CRIM1: variants seen among roughly 807,000 people sequenced by gnomAD.
CRIM1 encodes cysteine-rich motor neuron 1 protein.
A neutral mutation model predicts 116.4 loss-of-function variants in CRIM1; 32 were observed. The ratio of observed to expected loss-of-function variants is 0.27; its 90% CI spans 0.21 to 0.37. The LOEUF (loss-of-function observed/expected upper bound fraction) is 0.37. Ranked by LOEUF, CRIM1 falls within the 10% of genes least tolerant of loss-of-function variation. The probability of loss-of-function intolerance (pLI) is 1.00; values close to 1 mark genes in which losing one functional copy is unlikely to be tolerated. For synonymous variants in CRIM1, 590 were observed against 509.2 expected, an observed-to-expected ratio of 1.16 and a Z score of -2.13; for missense variants, 1,331 against 1,354.8, an observed-to-expected ratio of 0.98 and a Z score of 0.28.
chr2:36,389,387 G>T (rs1214776686), intron 1 of CRIM1, among the ~76,000 whole-genome samples: 1 of 152,124 alleles, frequency 6.6e-6, no homozygotes, highest in East Asian at 1.9e-4. Context: ...TTTTAGGCTG[G>T]CATGAAAAGA....
At chr2:36,493,444 G>A (rs116383471) in intron 7 of CRIM1, among the ~76,000 whole-genome samples, 1,890 of 152,224 alleles carry the variant, frequency 0.012, 57 homozygotes, top group African/African-American at 0.043. Context: ...GCACAGTGAG[G>A]CAGCAGTCCT....
In CRIM1 at chr2:36,477,082, G is replaced by A; in HGVS notation, c.1174+11G>A. On this transcript the variant is annotated intron_variant, in intron 6 of 16. Coordinates refer to ENST00000280527, the MANE Select transcript of CRIM1 (RefSeq NM_016441.3). ...GCCCAGTGTGTGAAGGTAAGAAAAG[G>A]TGCTAATTACAGATTAACAGGAGCA... is the stretch of plus-strand genomic sequence containing the variant. 6.3e-7 allele frequency: 1 copy of A among 1,597,302 alleles called. No homozygotes were observed. The highest frequency in any genetic ancestry group is 1.8e-5 in the Admixed American group (1 of 56,870).
intron 2 of CRIM1, among the ~76,000 whole-genome samples, chr2:36,413,780 A>G (rs1170399045): frequency 1.3e-5 from 2 of 152,176 alleles, no homozygotes; most frequent in African/African-American, 2.4e-5. Context: ...TGTTTCTTCT[A>G]CAGCTGAAAA....
At chr2:36,532,067 A>T (rs945859757) in intron 13 of CRIM1, 2 of 461,420 alleles carry the variant, frequency 4.3e-6, no homozygotes, top group African/African-American at 4.0e-5. Flanking sequence ...GACGGATAAG[A>T]TAGGGGCCAT....
intron 1 of CRIM1, among the ~76,000 whole-genome samples, chr2:36,384,155 G>T (rs1187960596): frequency 6.6e-6 from 1 of 152,246 alleles, no homozygotes; most frequent in Non-Finnish European, 1.5e-5. Context: ...AGTTGAGGTT[G>T]ATTGAAGACC....
At chr2:36,501,586 A>C (rs1680999049) in intron 8 of CRIM1, among the ~76,000 whole-genome samples, 1 of 152,096 alleles carries the variant, frequency 6.6e-6, no homozygotes. Flanking sequence ...GCCAGGCATG[A>C]TAGCAAGGGC....
At chr2:36,362,603 C>G (rs1669299748) in intron 1 of CRIM1, among the ~76,000 whole-genome samples, 1 of 152,178 alleles carries the variant, frequency 6.6e-6, no homozygotes, top group South Asian at 2.1e-4. Flanking sequence ...TTCACCCACC[C>G]TGCTGCTTGC....
intron 7 of CRIM1, among the ~76,000 whole-genome samples, chr2:36,489,222 T>G (rs1210853733): frequency 1.3e-5 from 2 of 152,178 alleles, no homozygotes; most frequent in African/African-American, 4.8e-5. Flanking sequence ...TTAGTTTGCC[T>G]ATCAGTAGGA....
intron 1 of CRIM1, among the ~76,000 whole-genome samples, chr2:36,357,948 CTAAA>C (rs893834588): frequency 3.3e-4 from 50 of 152,328 alleles, no homozygotes; most frequent in Admixed American, 2.5e-3. Context: ...GTGATTCTCT[CTAAA>C]TACGCACAGA....
At chr2:36,393,023 G>A (rs952772771) in intron 1 of CRIM1, among the ~76,000 whole-genome samples, 1 of 152,164 alleles carries the variant, frequency 6.6e-6, no homozygotes, top group African/African-American at 2.4e-5. Context: ...GGGGCCAGCG[G>A]CCTCATCAAA....
At chr2:36,462,968 A>G (rs2125003627) in intron 4 of CRIM1, among the ~76,000 whole-genome samples, 1 of 152,212 alleles carries the variant, frequency 6.6e-6, no homozygotes, top group East Asian at 1.9e-4. Context: ...AATATAGCGT[A>G]TGAATTGAGA....
intron 7 of CRIM1, among the ~76,000 whole-genome samples, chr2:36,480,076 G>C (rs1476926190): frequency 6.6e-6 from 1 of 152,170 alleles, no homozygotes; most frequent in Non-Finnish European, 1.5e-5. Context: ...ATATGCCCAA[G>C]CGTCCTGGCA....
intron 8 of CRIM1, among the ~76,000 whole-genome samples, chr2:36,506,179 TCTCACACACA>T (rs1192391218): frequency 1.1e-4 from 10 of 91,796 alleles, no homozygotes; most frequent in South Asian, 3.8e-4. Flanking sequence ...TCTCTCTCTC[TCTCACACACA>T]CACACACACA....
chr2:36,363,795 A>T (rs1428772953), intron 1 of CRIM1, among the ~76,000 whole-genome samples: 1 of 152,192 alleles, frequency 6.6e-6, no homozygotes, highest in African/African-American at 2.4e-5. Flanking sequence ...GAGTGTGCAC[A>T]CTGATGACCA....
chr2:36,406,062 A>G (rs894624154), intron 2 of CRIM1, among the ~76,000 whole-genome samples: 1 of 152,238 alleles, frequency 6.6e-6, no homozygotes, highest in Non-Finnish European at 1.5e-5. Flanking sequence ...CCTGTATGGC[A>G]TTAAATGCCA....
chr2:36,430,828 T>A (rs1054499764), intron 2 of CRIM1, among the ~76,000 whole-genome samples: 2 of 152,178 alleles, frequency 1.3e-5, no homozygotes, highest in Non-Finnish European at 2.9e-5. Flanking sequence ...TTTGTTTGTT[T>A]TTGGAGGCAC....
chr2:36,491,757 C>G (rs1285990466), intron 7 of CRIM1, among the ~76,000 whole-genome samples: 1 of 152,146 alleles, frequency 6.6e-6, no homozygotes, highest in Admixed American at 6.6e-5. Context: ...AAAAGTCTGA[C>G]CGCCTGACCC....
chr2:36,430,480 G>T (rs1674799126), intron 2 of CRIM1, among the ~76,000 whole-genome samples: 1 of 152,220 alleles, frequency 6.6e-6, no homozygotes, highest in South Asian at 2.1e-4. Flanking sequence ...TCAAGTTGTA[G>T]TTCAGGATGG....
At chr2:36,413,219 A>G (rs1271655774) in intron 2 of CRIM1, among the ~76,000 whole-genome samples, 2 of 152,170 alleles carry the variant, frequency 1.3e-5, no homozygotes, top group Non-Finnish European at 2.9e-5. Flanking sequence ...TGTCAGTGAA[A>G]TGTATGTCAC....
Sources: gnomAD v4.1 joint callset for allele counts (sites outside exome capture counted in the v4.1 genomes callset) on GRCh38, gnomAD v4.1.1 for gene constraint, MANE v1.5 for transcripts, NCBI Gene and HGNC (gene_info 2026-07-23, HGNC 2026-07-21) for gene names.